Variants in TBC1D32 observed in about 807,000 individuals in gnomAD.
TBC1D32 encodes the protein protein broad-minded.
Under a neutral mutation model 170.3 loss-of-function variants are expected in TBC1D32, and 151 were observed. The ratio of observed to expected loss-of-function variants is 0.89; its 90% CI spans 0.78 to 1.01. The LOEUF (loss-of-function observed/expected upper bound fraction) is 1.01. Among genes scored for constraint, TBC1D32 ranks in the 50% least tolerant of loss-of-function variants. The probability of loss-of-function intolerance (pLI) is 0.00; values close to 1 mark genes in which losing one functional copy is unlikely to be tolerated. For synonymous variants in TBC1D32, 498 were observed against 488.0 expected, an observed-to-expected ratio of 1.02 and a Z score of -0.27; for missense variants, 1,464 against 1,457.1, an observed-to-expected ratio of 1.00 and a Z score of -0.08.
rs750002194 is a variant in TBC1D32 at position 121,160,105 on chromosome 6, TA to T, written c.2680-3del. ...TGGCCAAGGATATGGATTATCACTC[TA>T]AAAAAGAAGCAAGACAGATGACTTT... On this transcript the variant is annotated splice_region_variant and splice_polypyrimidine_tract_variant and intron_variant, in intron 23 of 31. Coordinates refer to ENST00000398212, the MANE Select transcript of TBC1D32 (RefSeq NM_152730.6). 2,122 of 1,577,358 alleles carry T rather than the reference TA, an allele frequency of 1.3e-3. No homozygotes were observed. The highest frequency in any genetic ancestry group is 1.7e-3 in the Non-Finnish European group (1,939 of 1,150,572).
chr6:121,090,405 C>G (rs1393229305), intron 31 of TBC1D32, among the ~76,000 whole-genome samples: 1 of 151,998 alleles, frequency 6.6e-6, no homozygotes, highest in African/African-American at 2.4e-5. Flanking sequence ...TTGGTGATAA[C>G]TTTTTAAAAT....
At chr6:121,226,346 T>C (rs1795065283) in intron 20 of TBC1D32, among the ~76,000 whole-genome samples, 1 of 151,940 alleles carries the variant, frequency 6.6e-6, no homozygotes, top group Non-Finnish European at 1.5e-5. Context: ...TTCAGCAATG[T>C]AGGGAGAGGT....
In TBC1D32 at chr6:121,208,968, C is replaced by T. The variant is rs949039143; in HGVS notation, c.2482-3805G>A. Among the ~76,000 whole-genome samples, 7 of 152,010 alleles carry T rather than the reference C, an allele frequency of 4.6e-5. No individual in the cohort carries two copies. The East Asian group carries it at 1.4e-3, about 29-fold the overall frequency. On this transcript the variant is annotated intron_variant, in intron 21 of 31. Coordinates refer to ENST00000398212, the MANE Select transcript of TBC1D32 (RefSeq NM_152730.6). ...TATCCCCATAGAATAACAGGTAGCC[C>T]CTCCTATGGGGAATGGAGGACTATG...
chr6:121,148,067 T>C (rs2128231639), intron 24 of TBC1D32, among the ~76,000 whole-genome samples: 1 of 152,206 alleles, frequency 6.6e-6, no homozygotes, highest in East Asian at 1.9e-4. Flanking sequence ...ACATGTGCCA[T>C]GGTGGTTTCC....
intron 26 of TBC1D32, among the ~76,000 whole-genome samples, chr6:121,122,831 G>A (rs1248150079): frequency 6.6e-6 from 1 of 152,018 alleles, no homozygotes; most frequent in Non-Finnish European, 1.5e-5. Flanking sequence ...TGGGACAGGG[G>A]GTAGTTGGGA....
At position 121,082,436 on chromosome 6, in the gene TBC1D32, T is replaced by G. The variant is rs147911122; in HGVS notation, c.3655-1546A>C. 3.9e-5 allele frequency among the ~76,000 whole-genome samples: 6 copies of G among 152,120 alleles called. No individual in the cohort carries two copies. In the East Asian group the frequency reaches 1.2e-3, roughly 29 times the overall value. On this transcript the variant is annotated intron_variant, in intron 31 of 31. Transcript: ENST00000398212. ...AATTTATCCATTCATTTCATTCAAATTATGTGTGACGTGGCTTTAACTACC... is the reference window on the plus strand; with the variant it reads ...AATTTATCCATTCATTTCATTCAAAGTATGTGTGACGTGGCTTTAACTACC...
chr6:121,209,968 T>C lies in TBC1D32; in HGVS notation c.2482-4805A>G, dbSNP rs191818119. 7.9e-5 allele frequency among the ~76,000 whole-genome samples: 12 copies of C among 152,350 alleles called. No individual in the cohort carries two copies. In the East Asian group the frequency reaches 1.7e-3, roughly 22 times the overall value. The stretch of plus-strand genomic sequence containing the variant: ...TTTCTACCTAATACAATACCATGTT[T>C]ACACATCATTATCGTAGAGCTGGAT... On this transcript the variant is annotated intron_variant, in intron 21 of 31. Transcript: ENST00000398212.
At chr6:121,304,949 A>G in intron 5 of TBC1D32, 116 bp from the exon 6 acceptor site, 1 of 693,658 alleles carries the variant, frequency 1.4e-6, no homozygotes, top group Non-Finnish European at 2.4e-6. Flanking sequence ...TAAACCATTC[A>G]GAAACTAGAG....
intron 30 of TBC1D32, among the ~76,000 whole-genome samples, chr6:121,101,281 CA>C (rs1778024476): frequency 6.6e-6 from 1 of 151,860 alleles, no homozygotes; most frequent in African/African-American, 2.4e-5. Flanking sequence ...AGAGACACAA[CA>C]AAAAGAGAGA....
intron 22 of TBC1D32, among the ~76,000 whole-genome samples, chr6:121,162,624 T>C (rs112175647): frequency 0.01 from 1,529 of 152,238 alleles, 11 homozygotes; most frequent in Non-Finnish European, 0.017. Context: ...TATTTGTAGA[T>C]GACATGATGC....
At chr6:121,132,759 T>C (rs1449328309) in intron 24 of TBC1D32, among the ~76,000 whole-genome samples, 3 of 151,940 alleles carry the variant, frequency 2.0e-5, no homozygotes, top group Non-Finnish European at 4.4e-5. Context: ...CATTAATACA[T>C]AGCAGATTCC....
At chr6:121,265,144 T>C (rs563776891) in intron 15 of TBC1D32, among the ~76,000 whole-genome samples, 1 of 152,316 alleles carries the variant, frequency 6.6e-6, no homozygotes, top group Admixed American at 6.5e-5. Context: ...GCAGATGACA[T>C]GATCCTATAT....
chr6:121,292,288 G>T, intron 11 of TBC1D32, 95 bp from the exon 12 acceptor site: 1 of 1,310,720 alleles, frequency 7.6e-7, no homozygotes, highest in Admixed American at 2.6e-5. Flanking sequence ...AAGGCTACAG[G>T]CTAGAATGGA....
rs542887102 is a variant in TBC1D32, at chr6:121,327,792, G to A, written c.156-5998C>T. Among the ~76,000 whole-genome samples, 210 of 152,084 alleles carry A rather than the reference G, an allele frequency of 1.4e-3. 6 individuals carry two copies. The South Asian group carries it at 0.037, about 27-fold the overall frequency. On this transcript the variant is annotated intron_variant, in intron 1 of 31. Transcript: ENST00000398212. The stretch of plus-strand genomic sequence containing the variant: ...TACATTATCTCTCAATTTTTAAATG[G>A]TACTTTTCTTCTTTTTTTTAATGTA...
chr6:121,224,569 A>G (rs545671563), intron 20 of TBC1D32: 1 of 152,284 alleles, frequency 6.6e-6, no homozygotes, highest in East Asian at 1.9e-4. Context: ...ACATACTCAG[A>G]AAGTTGGTAG....
Position 121,233,191 on chromosome 6 carries a change from C to T in TBC1D32, c.2364+5879G>A, listed in dbSNP as rs540491258. Among the ~76,000 whole-genome samples the T allele has an allele frequency of 9.9e-5, 15 of 152,028 alleles. No homozygotes were observed. In the South Asian group the frequency reaches 1.5e-3, roughly 15 times the overall value. Reference sequence around the variant, plus strand: ...AAAGAATGTATATTCTGTAGTTGTTCGGTAAAATGTTCTGTAAATATCTGT... The same window carrying T: ...AAAGAATGTATATTCTGTAGTTGTTTGGTAAAATGTTCTGTAAATATCTGT... On this transcript the variant is annotated intron_variant, in intron 20 of 31. Coordinates refer to ENST00000398212, the MANE Select transcript of TBC1D32 (RefSeq NM_152730.6).
At chr6:121,265,436 C>G (rs1400244005) in intron 15 of TBC1D32, among the ~76,000 whole-genome samples, 1 of 152,090 alleles carries the variant, frequency 6.6e-6, no homozygotes, top group Non-Finnish European at 1.5e-5. Flanking sequence ...GAAAAACATT[C>G]TATCCTCATG....
rs542864697 is a variant in TBC1D32 at position 121,287,652 on chromosome 6, C to G, written c.1373-3742G>C. 2.0e-5 allele frequency among the ~76,000 whole-genome samples: 3 copies of G among 152,284 alleles called. No homozygotes were observed. The East Asian group carries it at 5.8e-4, about 29-fold the overall frequency. ...TGAACTCAGCTCTGCACCAAGCAGACCTAATAGACATCTACAGAACTCTCC... is the reference window on the plus strand; with the variant it reads ...TGAACTCAGCTCTGCACCAAGCAGAGCTAATAGACATCTACAGAACTCTCC... On this transcript the variant is annotated intron_variant, in intron 12 of 31. Transcript: ENST00000398212.
intron 22 of TBC1D32, among the ~76,000 whole-genome samples, chr6:121,168,704 G>C (rs1583048372): frequency 3.2e-5 from 1 of 31,532 alleles, no homozygotes; most frequent in Non-Finnish European, 5.7e-5. Context: ...CTAAAACTTA[G>C]AGTATAATAA....
Sources: gnomAD v4.1 joint callset for allele counts (sites outside exome capture counted in the v4.1 genomes callset) on GRCh38, gnomAD v4.1.1 for gene constraint, MANE v1.5 for transcripts, NCBI Gene and HGNC (gene_info 2026-07-23, HGNC 2026-07-21) for gene names.